The following PARP15 variants were observed in gnomAD, a reference collection of about 807,000 sequenced individuals.
PARP15 encodes the protein poly(ADP-ribose) polymerase family member 15.
In PARP15, 50 loss-of-function variants were observed where a neutral mutation model predicts 62.1. The observed-to-expected ratio is 0.81, with a 90% CI of 0.64 to 1.02. PARP15 has a LOEUF of 1.02. Among genes scored for constraint, PARP15 ranks in the 50% least tolerant of loss-of-function variants. The pLI is 0.00. For synonymous variants in PARP15, 309 were observed against 293.1 expected (o/e 1.05, Z -0.55); for missense variants, 820 against 826.5 (o/e 0.99, Z 0.10).
chr3:122,610,782 T>G, intron 3 of PARP15, 52 bp downstream of exon 3: 5 of 1,430,848 alleles, frequency 3.5e-6, no homozygotes, highest in Non-Finnish European at 4.6e-6. Context: ...GGGAATCTCC[T>G]TCTGGTGTGG....
chr3:122,605,877 G>A (rs1394454783), intron 1 of PARP15, 59 bp from the exon 2 acceptor site: 2 of 1,528,632 alleles, frequency 1.3e-6, no homozygotes, highest in African/African-American at 2.8e-5. Context: ...CACCGCACCT[G>A]GCCTAAGAGA....
intron 1 of PARP15, among the ~76,000 whole-genome samples, chr3:122,604,673 A>G (rs1334666503): frequency 1.3e-5 from 2 of 151,876 alleles, no homozygotes; most frequent in African/African-American, 4.8e-5. Flanking sequence ...GCCAACAATT[A>G]AAAAGATAAT....
At chr3:122,621,297 A>G in intron 7 of PARP15, 147 bp from the exon 8 acceptor site, 1 of 761,068 alleles carries the variant, frequency 1.3e-6, no homozygotes, top group South Asian at 2.0e-5. Context: ...TGTGGTTGTC[A>G]CAGTCCAGTG....
intron 2 of PARP15, among the ~76,000 whole-genome samples, chr3:122,606,542 C>T (rs1455140799): frequency 6.6e-6 from 1 of 152,188 alleles, no homozygotes; most frequent in Non-Finnish European, 1.5e-5. Context: ...CCCTCCTCTC[C>T]TACTGTTTCC....
chr3:122,636,098 T>C lies in PARP15; in HGVS notation c.2035T>C (p.Ter679GlnextTer14). 1 of 1,606,704 alleles carries C rather than the reference T, an allele frequency of 6.2e-7. No individual in the cohort carries two copies. Among genetic ancestry groups the C allele is most frequent in the Non-Finnish European group, 8.5e-7 (1 of 1,174,764 alleles). ...AGAATATCTCATAACTTTCACGGCT[T>C]AAAAATATTTTTATCATCAAAGAGA... The part of the protein sequence containing the change: ...YPEYLITFTA[*>Q] Residue 679 changes from the stop codon to glutamine (Q), a stop_lost, in exon 12 of 12, where the codon TAA becomes CAA. Coordinates refer to ENST00000464300, the MANE Select transcript of PARP15 (RefSeq NM_001113523.3).
chr3:122,630,196 A>G (rs1052891653), intron 9 of PARP15, among the ~76,000 whole-genome samples: 1 of 152,184 alleles, frequency 6.6e-6, no homozygotes, highest in African/African-American at 2.4e-5. Context: ...CCTTACTTTG[A>G]TAATGACCTT....
chr3:122,616,377 T>G (rs545210993), intron 5 of PARP15, among the ~76,000 whole-genome samples: 1 of 148,724 alleles, frequency 6.7e-6, no homozygotes, highest in African/African-American at 2.5e-5. Flanking sequence ...TCACCCAGGA[T>G]GGAGTGCAGT....
chr3:122,636,229 C>CT lies in PARP15; in HGVS notation c.*134dup, dbSNP rs1345554750. Reference sequence around the variant, plus strand: ...TAGGTGCCAAAATGCTGAAAATTACCTTTTTAAAGTGCTCTATTGCTGCGA... The same window carrying CT: ...TAGGTGCCAAAATGCTGAAAATTACCTTTTTTAAAGTGCTCTATTGCTGCGA... On this transcript the variant is annotated 3_prime_UTR_variant, in exon 12 of 12. Coordinates refer to ENST00000464300, the MANE Select transcript of PARP15 (RefSeq NM_001113523.3). 2.2e-6 allele frequency: 2 copies of CT among 915,900 alleles called. No individual in the cohort carries two copies. Among genetic ancestry groups the CT allele is most frequent in the African/African-American group, 3.4e-5 (2 of 59,408 alleles). 56.7% of individuals were successfully genotyped at this position (915,900 alleles called of 1,614,324 possible).
chr3:122,596,167 G>C (rs1223060690), intron 1 of PARP15, among the ~76,000 whole-genome samples: 5 of 151,660 alleles, frequency 3.3e-5, no homozygotes, highest in African/African-American at 1.2e-4. Context: ...GACCATCCTG[G>C]CCAACATGGT....
intron 3 of PARP15, among the ~76,000 whole-genome samples, chr3:122,612,727 C>G (rs1313745868): frequency 6.6e-6 from 1 of 151,260 alleles, no homozygotes; most frequent in Non-Finnish European, 1.5e-5. Context: ...CGCGCCCTGC[C>G]AATACATTTT....
At chr3:122,615,180 C>T (rs960113504) in intron 4 of PARP15, 3 of 1,231,742 alleles carry the variant, frequency 2.4e-6, no homozygotes, top group East Asian at 5.8e-5. Context: ...GCCCATTGCT[C>T]AATTTTATCA....
At chr3:122,601,997 C>T (rs768016012) in intron 1 of PARP15, among the ~76,000 whole-genome samples, 2 of 152,016 alleles carry the variant, frequency 1.3e-5, no homozygotes, top group Non-Finnish European at 2.9e-5. Context: ...AGTTTACTGC[C>T]AATCAGGATC....
chr3:122,633,708 G>A (rs1937189538), intron 10 of PARP15, among the ~76,000 whole-genome samples: 1 of 152,062 alleles, frequency 6.6e-6, no homozygotes. Context: ...TTTATGTCAG[G>A]GACTTGAGCA....
intron 3 of PARP15, among the ~76,000 whole-genome samples, chr3:122,610,999 T>C (rs1935527242): frequency 6.6e-6 from 1 of 152,214 alleles, no homozygotes. Context: ...GAAATCTTTA[T>C]TACATTCCAT....
intron 2 of PARP15, among the ~76,000 whole-genome samples, chr3:122,609,684 C>T (rs539343734): frequency 3.5e-5 from 5 of 143,802 alleles, no homozygotes; most frequent in Non-Finnish European, 6.0e-5. Flanking sequence ...GGGAACAGAT[C>T]GAAATCGTGT....
At chr3:122,608,840 T>C (rs1165240707) in intron 2 of PARP15, among the ~76,000 whole-genome samples, 1 of 151,730 alleles carries the variant, frequency 6.6e-6, no homozygotes, top group African/African-American at 2.4e-5. Flanking sequence ...CAGTCACGGT[T>C]CACTGCAGTC....
intron 1 of PARP15, among the ~76,000 whole-genome samples, chr3:122,580,003 A>ATATATATATGTG (rs1553725427): frequency 3.2e-5 from 3 of 94,242 alleles, no homozygotes; most frequent in Non-Finnish European, 6.8e-5. Context: ...CTATATGTAT[A>ATATATATATGTG]TATATATATA....
intron 2 of PARP15, among the ~76,000 whole-genome samples, 189 bp downstream of exon 2, chr3:122,606,244 AC>A (rs1935152359): frequency 2.0e-5 from 3 of 152,214 alleles, no homozygotes; most frequent in Non-Finnish European, 4.4e-5. Flanking sequence ...ATATTCTTCC[AC>A]ATGTACTCAT....
chr3:122,636,277 C>T lies in PARP15; in HGVS notation c.*177C>T. 1.6e-6 allele frequency: 1 copy of T among 621,198 alleles called. No individual in the cohort carries two copies. Among genetic ancestry groups the T allele is most frequent in the South Asian group, 2.2e-5 (1 of 45,256 alleles). The allele number at this position is 621,198 out of a possible 1,614,324, so 38.5% of individuals were successfully genotyped here. On this transcript the variant is annotated 3_prime_UTR_variant, in exon 12 of 12. Coordinates refer to ENST00000464300, the MANE Select transcript of PARP15 (RefSeq NM_001113523.3). ...CGATTTGTAGCATACCTTTTTTTCT[C>T]AGCAAATTGATGGGTGGAAGCTGAG... is the stretch of plus-strand genomic sequence containing the variant.
Sources: gnomAD v4.1 joint callset for allele counts (sites outside exome capture counted in the v4.1 genomes callset) on GRCh38, gnomAD v4.1.1 for gene constraint, MANE v1.5 for transcripts, NCBI Gene and HGNC (gene_info 2026-07-23, HGNC 2026-07-21) for gene names.